Variants in EP400 observed in about 807,000 individuals in gnomAD.
The protein encoded by EP400 is E1A binding protein p400, also known as E1A-binding protein p400.
Under a neutral mutation model 354.1 loss-of-function variants are expected in EP400, and 105 were observed. That is an observed-to-expected ratio of 0.30 (90% CI 0.25 to 0.35). The LOEUF (loss-of-function observed/expected upper bound fraction) is 0.35. Ranked by LOEUF, EP400 falls within the 10% of genes least tolerant of loss-of-function variation. The probability of loss-of-function intolerance (pLI) is 1.00; values close to 1 mark genes in which losing one functional copy is unlikely to be tolerated. For missense variants in EP400, 3,280 were observed against 4,121.0 expected (o/e 0.80, Z 5.59); for synonymous variants, 1,646 against 1,716.9 (o/e 0.96, Z 1.02).
In EP400 at chr12:132,064,897, G is replaced by C; in HGVS notation, c.8553+11G>C. On this transcript the variant is annotated intron_variant, in intron 48 of 52. Transcript: ENST00000389561. Reference sequence around the variant, plus strand: ...CAGGTGGCCCGGCTCGTAAGTGTCAGTTTCTGTTTGTTTTCCAAAAGCAGC... The same window carrying C: ...CAGGTGGCCCGGCTCGTAAGTGTCACTTTCTGTTTGTTTTCCAAAAGCAGC... 2 of 1,589,144 alleles carry C rather than the reference G, an allele frequency of 1.3e-6. No individual in the cohort carries two copies. Among genetic ancestry groups the C allele is most frequent in the Non-Finnish European group, 1.7e-6 (2 of 1,168,298 alleles).
intron 15 of EP400, among the ~76,000 whole-genome samples, chr12:132,007,534 T>C (rs1893625604): frequency 6.6e-6 from 1 of 152,056 alleles, no homozygotes; most frequent in Non-Finnish European, 1.5e-5. Context: ...CCTTCCTCTC[T>C]TGGCTTTTGG....
At chr12:132,006,360 T>A in intron 14 of EP400, 58 bp downstream of exon 14, 1 of 1,554,880 alleles carries the variant, frequency 6.4e-7, no homozygotes, top group Non-Finnish European at 8.7e-7. Context: ...GCACATAGCT[T>A]AGCCATGAGA....
At chr12:132,023,225 C>T (rs372972743) in intron 23 of EP400, among the ~76,000 whole-genome samples, 10 of 149,744 alleles carry the variant, frequency 6.7e-5, no homozygotes, top group African/African-American at 2.0e-4. Flanking sequence ...CTCTGCCTCC[C>T]GGGTTCAAGC....
At chr12:132,073,231 T>C (rs1308696799) in intron 51 of EP400, among the ~76,000 whole-genome samples, 9 of 145,954 alleles carry the variant, frequency 6.2e-5, no homozygotes, top group African/African-American at 7.5e-5. Context: ...ACCTTCTCTT[T>C]TTTTTTTTTT....
At chr12:132,064,047 A>G (rs1368959888) in intron 47 of EP400, among the ~76,000 whole-genome samples, 1 of 76,732 alleles carries the variant, frequency 1.3e-5, no homozygotes, top group Non-Finnish European at 2.7e-5. Flanking sequence ...CCACAGCCAC[A>G]CAGGTGCCTT....
chr12:131,983,762 C>T (rs1215025931), intron 5 of EP400, among the ~76,000 whole-genome samples: 1 of 152,206 alleles, frequency 6.6e-6, no homozygotes, highest in African/African-American at 2.4e-5. Context: ...TCACTGCAGC[C>T]TCTACTTCCT....
Position 132,006,312 on chromosome 12 carries a change from T to C in EP400, c.3126+10T>C. The C allele has an allele frequency of 6.2e-7, 1 of 1,613,220 alleles. No homozygotes were observed. The highest frequency in any genetic ancestry group is 8.5e-7 in the Non-Finnish European group (1 of 1,179,482). On this transcript the variant is annotated intron_variant, in intron 14 of 52. Transcript: ENST00000389561. ...TCGGGTCACAACCTCGGTGAGGCGC[T>C]AAGCTTTCAAGTGTGGGATGGGCCT...
chr12:131,970,340 T>C lies in EP400; in HGVS notation c.1335+8386T>C, dbSNP rs569843711. Among the ~76,000 whole-genome samples, 3 of 152,126 alleles carry C rather than the reference T, an allele frequency of 2.0e-5. No individual in the cohort carries two copies. In the South Asian group the frequency reaches 6.2e-4, roughly 32 times the overall value. The stretch of plus-strand genomic sequence containing the variant: ...TGGAGAGAATCCGTTGATGTAGAGC[T>C]GTAGGATTCTCATCTGCTTTTGATG... On this transcript the variant is annotated intron_variant, in intron 2 of 52. Coordinates refer to ENST00000389561, the MANE Select transcript of EP400 (RefSeq NM_015409.5).
At chr12:132,006,443 GCCTGT>G in intron 14 of EP400, 141 bp downstream of exon 14, 3 of 1,099,478 alleles carry the variant, frequency 2.7e-6, no homozygotes, top group Non-Finnish European at 3.8e-6. Context: ...TTCTTCATGT[GCCTGT>G]AGTCCCAGCT....
At position 131,986,742 on chromosome 12, in the gene EP400, C is replaced by T. The variant is rs769797311; in HGVS notation, c.2158C>T (p.Pro720Ser). The T allele has an allele frequency of 6.2e-6, 10 of 1,614,226 alleles. No individual in the cohort carries two copies. In the South Asian group the frequency reaches 7.7e-5, roughly 12 times the overall value. The change falls in exon 6 of 53, where the codon CCT (proline) becomes TCT (serine). Residue 720 changes from proline to serine, a missense_variant. Coordinates refer to ENST00000389561, the MANE Select transcript of EP400 (RefSeq NM_015409.5). ...ATCTGCCCCCACCAAACCACAGAGT[C>T]CTGCTCAGAATGCCACCTCGTCCCA... ...VASAPTKPQS[P>S]AQNATSSQDS...
At position 132,067,737 on chromosome 12, in the gene EP400, G is replaced by C. The variant is rs568022458; in HGVS notation, c.8874+251G>C. 6.6e-6 allele frequency among the ~76,000 whole-genome samples: 1 copy of C among 152,106 alleles called. No individual in the cohort carries two copies. Among genetic ancestry groups the C allele is most frequent in the South Asian group, 2.1e-4 (1 of 4,810 alleles). ...GGATGGAGGGGGTATAGTCTGTGAGGATGGCTGGGTGCCAGGTAAGAAGCC... is the reference window on the plus strand; with the variant it reads ...GGATGGAGGGGGTATAGTCTGTGAGCATGGCTGGGTGCCAGGTAAGAAGCC... On this transcript the variant is annotated intron_variant, in intron 50 of 52. Transcript: ENST00000389561. The surrounding 1 kb of genome is among the most constrained non-coding windows in gnomAD (Gnocchi z 5.3).
In EP400 at chr12:132,025,802, A is replaced by G. The variant is rs1379107340; in HGVS notation, c.5012A>G (p.Gln1671Arg). The G allele has an allele frequency of 1.3e-6, 2 of 1,595,058 alleles. No individual in the cohort carries two copies. The highest frequency in any genetic ancestry group is 1.7e-6 in the Non-Finnish European group (2 of 1,172,684). ...GGPSPAPLTP[Q>R]VGVPGRVAVN... is the part of the protein sequence containing the mutation. ...CCCAGCCCTGCACCCTTGACCCCAC[A>G]AGGTAGGGTGCTCTGAGCAGGAGGG... The change falls in exon 25 of 53, where the codon CAA becomes CGA. Residue 1671 changes from glutamine (Q) to arginine (R), a missense_variant and splice_region_variant. Coordinates refer to ENST00000389561, the MANE Select transcript of EP400 (RefSeq NM_015409.5). The surrounding 1 kb of genome is among the most constrained non-coding windows in gnomAD (Gnocchi z 4.1).
At chr12:131,952,751 C>A (rs573154512) in intron 1 of EP400, among the ~76,000 whole-genome samples, 1 of 152,170 alleles carries the variant, frequency 6.6e-6, no homozygotes, top group South Asian at 2.1e-4. Context: ...TGTTCCCAGC[C>A]TGTTTCTTTT....
chr12:132,037,533 G>A, intron 30 of EP400, 149 bp from the exon 31 acceptor site: 4 of 652,112 alleles, frequency 6.1e-6, no homozygotes, highest in South Asian at 1.9e-5. Flanking sequence ...GGCTGAGAGC[G>A]GCCTTTGGTG....
At chr12:132,057,501 C>T (rs143236252) in intron 45 of EP400, among the ~76,000 whole-genome samples, 54 of 152,284 alleles carry the variant, frequency 3.5e-4, no homozygotes, top group African/African-American at 1.2e-3. Flanking sequence ...GAGAGGAATT[C>T]GAGAACGTTG....
In EP400 at chr12:132,044,859, G is replaced by A. The variant is rs761588461; in HGVS notation, c.6690G>A (p.Met2230Ile). 1.2e-5 allele frequency: 20 copies of A among 1,614,180 alleles called. No homozygotes were observed. The highest frequency in any genetic ancestry group is 1.7e-5 in the Non-Finnish European group (20 of 1,180,030). The part of the protein sequence containing the change: ...DDSDIYLDSV[M>I]CLMYEATPIP... ...GCGACATCTACCTCGACTCGGTCAT[G>A]TGTCTCATGTATGAAGCCACTCCCA... The change falls in exon 37 of 53, where the codon ATG becomes ATA. Residue 2230 changes from methionine (M) to isoleucine (I), a missense_variant. Met to Ile is a conservative substitution (Grantham distance 10). Around this residue, in one of 20 missense-constraint regions of EP400, gnomAD observed 231 missense variants for 257.9 expected, o/e 0.90. Transcript: ENST00000389561.
At position 131,998,690 on chromosome 12, in the gene EP400, A is replaced by G. The variant is rs1358182769; in HGVS notation, c.2827+3734A>G. Among the ~76,000 whole-genome samples the G allele has an allele frequency of 4.9e-5, 6 of 121,952 alleles. No homozygotes were observed. In the East Asian group the frequency reaches 1.7e-3, roughly 35 times the overall value. 80.0% of individuals were successfully genotyped at this position (121,952 alleles called of 152,430 possible). On this transcript the variant is annotated intron_variant, in intron 12 of 52. Transcript: ENST00000389561. ...TTTGTATACAGTCTTGTATACAAAGACTTTGTATACAGTCTTGTATACAAA... is the reference window on the plus strand; with the variant it reads ...TTTGTATACAGTCTTGTATACAAAGGCTTTGTATACAGTCTTGTATACAAA...
chr12:132,051,048 T>C (rs1288991198), intron 41 of EP400: 3 of 289,562 alleles, frequency 1.0e-5, no homozygotes, highest in South Asian at 9.0e-5. Flanking sequence ...GCCCTGAAGT[T>C]ATACAGGGGA....
At chr12:131,975,476 T>TGGGGCGTGTCTTGAAGTC (rs982329616) in intron 2 of EP400, among the ~76,000 whole-genome samples, 1 of 152,186 alleles carries the variant, frequency 6.6e-6, no homozygotes, top group Non-Finnish European at 1.5e-5. Context: ...CCTGGAGTCT[T>TGGGGCGTGTCTTGAAGTC]GGGGCGTGTC....
Sources: gnomAD v4.1 joint callset for allele counts (sites outside exome capture counted in the v4.1 genomes callset) on GRCh38, gnomAD v4.1.1 for gene constraint, gnomAD v4.1.1 regional missense constraint, Gnocchi (gnomAD v3.1) non-coding constraint, MANE v1.5 for transcripts, NCBI Gene and HGNC (gene_info 2026-07-23, HGNC 2026-07-21) for gene names.